Variants in UBAP1 observed in about 807,000 individuals in gnomAD.
UBAP1 encodes the protein ubiquitin associated protein 1.
Under a neutral mutation model 39.0 loss-of-function variants are expected in UBAP1, and 5 were observed. The observed-to-expected ratio is 0.13, with a 90% confidence interval of 0.07 to 0.27. The LOEUF (loss-of-function observed/expected upper bound fraction) is 0.27. Among genes scored for constraint, UBAP1 ranks in the 10% least tolerant of loss-of-function variants. The pLI is 1.00. For missense variants in UBAP1, 490 were observed against 608.1 expected (o/e 0.81, Z 2.04); for synonymous variants, 211 against 225.1 (o/e 0.94, Z 0.56).
chr9:34,240,219 G>C (rs972225877), intron 3 of UBAP1, among the ~76,000 whole-genome samples: 6 of 152,186 alleles, frequency 3.9e-5, no homozygotes, highest in Non-Finnish European at 7.3e-5. Context: ...AGGCACAGCA[G>C]CTGGCTCAGG....
chr9:34,193,044 C>A (rs576494236), intron 1 of UBAP1, among the ~76,000 whole-genome samples: 8 of 152,124 alleles, frequency 5.3e-5, no homozygotes, highest in Non-Finnish European at 1.0e-4. Flanking sequence ...CAGTGGCCCA[C>A]GTCTGTAATT....
rs376192553 is a variant in UBAP1, at chr9:34,191,237, A to T, written c.-8+11997A>T. 2.8e-4 allele frequency among the ~76,000 whole-genome samples: 43 copies of T among 152,200 alleles called. No homozygotes were observed. The East Asian group carries it at 4.2e-3, about 15-fold the overall frequency. On this transcript the variant is annotated intron_variant, in intron 1 of 6. Transcript: ENST00000297661. ...ATGTATTATTAAAATGTAGATTCTG[A>T]GTCAGTAGCTCTGGTGTGGGCTTGA...
At position 34,196,898 on chromosome 9, in the gene UBAP1, TTGTGTGTGTGTG is replaced by T. The variant is rs777008697; in HGVS notation, c.-8+17686_-8+17697del. On this transcript the variant is annotated intron_variant, in intron 1 of 6. Transcript: ENST00000297661. ...TGTATTGTCTTTCTAATATTGTTAT[TTGTGTGTGTGTG>T]TGTGTGTGTGTGTGTGTGTGTGTGT... Among the ~76,000 whole-genome samples, 196 of 141,428 alleles carry T rather than the reference TTGTGTGTGTGTG, an allele frequency of 1.4e-3. 1 individual carries two copies. The highest frequency in any genetic ancestry group is 4.5e-3 in the African/African-American group (171 of 38,110). 92.8% of individuals were successfully genotyped at this position (141,428 alleles called of 152,430 possible).
chr9:34,218,250 C>CAAAAAAAAAAAAAAAAAA (rs758443973), intron 1 of UBAP1, among the ~76,000 whole-genome samples: 4 of 49,524 alleles, frequency 8.1e-5, no homozygotes, highest in Admixed American at 3.0e-4. Flanking sequence ...GACTCCATCT[C>CAAAAAAAAAAAAAAAAAA]AAAAAAAAAA....
intron 1 of UBAP1, among the ~76,000 whole-genome samples, chr9:34,198,436 G>A (rs34684026): frequency 0.2 from 30,473 of 152,098 alleles, 3,662 homozygotes; most frequent in Non-Finnish European, 0.27. Flanking sequence ...GTCCTGTGGA[G>A]TTGGAGTTTC....
At chr9:34,231,004 C>T (rs1488506457) in intron 2 of UBAP1, among the ~76,000 whole-genome samples, 1 of 151,540 alleles carries the variant, frequency 6.6e-6, no homozygotes, top group Admixed American at 6.6e-5. Flanking sequence ...ATAATGAGAC[C>T]CTGTCTTAGC....
At chr9:34,240,364 C>T (rs1314953565) in intron 3 of UBAP1, among the ~76,000 whole-genome samples, 1 of 152,200 alleles carries the variant, frequency 6.6e-6, no homozygotes, top group Non-Finnish European at 1.5e-5. Flanking sequence ...TTAGACCTCT[C>T]TTTTCCCCCT....
intron 4 of UBAP1, among the ~76,000 whole-genome samples, chr9:34,247,018 G>A (rs569803071): frequency 6.2e-4 from 95 of 152,068 alleles, no homozygotes; most frequent in Middle Eastern, 3.4e-3. Flanking sequence ...TTCTTTTATT[G>A]AAAAAATAAT....
intron 1 of UBAP1, among the ~76,000 whole-genome samples, chr9:34,217,598 G>A (rs1404466927): frequency 1.3e-5 from 2 of 149,326 alleles, no homozygotes; most frequent in South Asian, 2.1e-4. Context: ...ATTTTGATTC[G>A]GGGGCACATG....
At chr9:34,250,115 T>C (rs771519275) in intron 5 of UBAP1, among the ~76,000 whole-genome samples, 154 bp downstream of exon 5, 1 of 152,178 alleles carries the variant, frequency 6.6e-6, no homozygotes. Flanking sequence ...GCCAGCAGCC[T>C]TGGGAGCAGT....
intron 1 of UBAP1, among the ~76,000 whole-genome samples, chr9:34,185,195 A>G (rs1830333137): frequency 6.6e-6 from 1 of 152,080 alleles, no homozygotes; most frequent in Admixed American, 6.5e-5. Context: ...CGGCCTCCCA[A>G]AGTGCTGGGA....
Position 34,207,009 on chromosome 9 carries a change from A to AT in UBAP1, c.-7-13893dup, listed in dbSNP as rs771462509. 2.1e-4 allele frequency among the ~76,000 whole-genome samples: 24 copies of AT among 111,796 alleles called. 1 individual carries two copies. Among genetic ancestry groups the AT allele is most frequent in the Non-Finnish European group, 3.3e-4 (17 of 51,672 alleles). The allele number at this position is 111,796 out of a possible 152,430, so 73.3% of individuals were successfully genotyped here. On this transcript the variant is annotated intron_variant, in intron 1 of 6. Coordinates refer to ENST00000297661, the MANE Select transcript of UBAP1 (RefSeq NM_016525.5). The stretch of plus-strand genomic sequence containing the variant: ...AGGCTAGTCTCCATTTTCTTCGGAG[A>AT]TTTTTTCTTTTTTTTCTGCGTTTGC...
intron 1 of UBAP1, among the ~76,000 whole-genome samples, chr9:34,205,559 G>A (rs1246671582): frequency 6.6e-6 from 1 of 152,210 alleles, no homozygotes; most frequent in Non-Finnish European, 1.5e-5. Context: ...TTTGAAGGGA[G>A]AGAGTAAGTG....
chr9:34,221,818 C>T (rs1832776649), intron 2 of UBAP1, among the ~76,000 whole-genome samples: 1 of 152,154 alleles, frequency 6.6e-6, no homozygotes, highest in African/African-American at 2.4e-5. Flanking sequence ...AAACTACTAT[C>T]TGCCTTTGGA....
chr9:34,243,283 C>T (rs1587883000), intron 4 of UBAP1, among the ~76,000 whole-genome samples: 1 of 152,234 alleles, frequency 6.6e-6, no homozygotes, highest in East Asian at 1.9e-4. Flanking sequence ...TTAGATTAAC[C>T]ATTTAGAGAT....
At chr9:34,222,019 C>T (rs191655485) in intron 2 of UBAP1, among the ~76,000 whole-genome samples, 1 of 152,258 alleles carries the variant, frequency 6.6e-6, no homozygotes, top group Admixed American at 6.5e-5. Flanking sequence ...GTCCCAGCTA[C>T]TCAGGGGGCT....
chr9:34,194,420 T>C (rs1830908716), intron 1 of UBAP1, among the ~76,000 whole-genome samples: 1 of 151,972 alleles, frequency 6.6e-6, no homozygotes, highest in South Asian at 2.1e-4. Context: ...GTTCACGCCA[T>C]TCTCCTGCCT....
chr9:34,217,509 TAC>T (rs1832393136), intron 1 of UBAP1, among the ~76,000 whole-genome samples: 2 of 152,230 alleles, frequency 1.3e-5, no homozygotes, highest in South Asian at 4.1e-4. Context: ...GTTCTAAGAT[TAC>T]AGTCGTGAGC....
At chr9:34,221,322 G>C (rs1185398526) in intron 2 of UBAP1, among the ~76,000 whole-genome samples, 2 of 152,074 alleles carry the variant, frequency 1.3e-5, no homozygotes, top group Non-Finnish European at 2.9e-5. Flanking sequence ...GAGGTCAGGA[G>C]ATCGAGACCA....
Sources: allele counts gnomAD v4.1 joint callset (sites outside exome capture counted in the v4.1 genomes callset), GRCh38; gene constraint gnomAD v4.1.1; transcripts MANE v1.5; gene names NCBI Gene and HGNC (gene_info 2026-07-23, HGNC 2026-07-21).